SYNPR: variants seen among roughly 807,000 people sequenced by gnomAD.
The protein encoded by SYNPR is synaptoporin.
SYNPR carries 23 observed loss-of-function variants against 32.9 expected under a neutral mutation model. The observed-to-expected ratio is 0.70, with a 90% CI of 0.50 to 0.99. The LOEUF (loss-of-function observed/expected upper bound fraction) is 0.99. Ranked by LOEUF, SYNPR falls within the 50% of genes least tolerant of loss-of-function variation. SYNPR has a pLI of 0.00. For missense variants in SYNPR, 318 were observed against 349.3 expected (o/e 0.91, Z 0.71); for synonymous variants, 146 against 135.9 (o/e 1.07, Z -0.52).
chr3:63,597,414 G>A (rs1699977730), intron 4 of SYNPR, among the ~76,000 whole-genome samples: 1 of 152,136 alleles, frequency 6.6e-6, no homozygotes. Context: ...TGAAGGATCT[G>A]AGCCTGGAGC....
At chr3:63,308,997 T>A (rs890540631) in intron 2 of SYNPR, among the ~76,000 whole-genome samples, 1 of 151,986 alleles carries the variant, frequency 6.6e-6, no homozygotes, top group African/African-American at 2.4e-5. Flanking sequence ...GCTTCTTGAA[T>A]TGGTCCCACA....
chr3:63,455,414 G>T (rs1700464142), intron 2 of SYNPR, among the ~76,000 whole-genome samples: 1 of 152,020 alleles, frequency 6.6e-6, no homozygotes, highest in South Asian at 2.1e-4. Flanking sequence ...TTTCTACAGT[G>T]AAATAATGAC....
At chr3:63,342,983 G>T (rs2087387938) in intron 2 of SYNPR, among the ~76,000 whole-genome samples, 1 of 152,190 alleles carries the variant, frequency 6.6e-6, no homozygotes, top group South Asian at 2.1e-4. Context: ...AAATGGGGAT[G>T]ATCAGAAAAG....
intron 4 of SYNPR, among the ~76,000 whole-genome samples, chr3:63,596,318 A>G (rs1216691444): frequency 6.1e-5 from 5 of 82,640 alleles, no homozygotes; most frequent in East Asian, 8.7e-4. Context: ...TCCTTCCCCA[A>G]TGCTCCCCCT....
chr3:63,349,622 G>A (rs1448648092), intron 2 of SYNPR, among the ~76,000 whole-genome samples: 3 of 152,226 alleles, frequency 2.0e-5, no homozygotes, highest in East Asian at 3.9e-4. Flanking sequence ...TGTTATTGGT[G>A]CATCGAAATG....
chr3:63,599,758 AT>A (rs1211109413), intron 4 of SYNPR, among the ~76,000 whole-genome samples: 1 of 152,322 alleles, frequency 6.6e-6, no homozygotes, highest in East Asian at 1.9e-4. Flanking sequence ...AATTTAAGAT[AT>A]TTTATTTTTA....
chr3:63,483,185 A>T (rs1318503101), intron 3 of SYNPR, among the ~76,000 whole-genome samples: 1 of 152,214 alleles, frequency 6.6e-6, no homozygotes, highest in Non-Finnish European at 1.5e-5. Flanking sequence ...GCATGTAATG[A>T]TGTGCACTGC....
At chr3:63,442,244 A>G (rs7645648) in intron 2 of SYNPR, among the ~76,000 whole-genome samples, 32,380 of 145,844 alleles carry the variant, frequency 0.22, 3,700 homozygotes, top group South Asian at 0.4. Flanking sequence ...AGAGATAGGA[A>G]GGAAAGCGAG....
At chr3:63,517,483 G>A (rs529563643) in intron 3 of SYNPR, among the ~76,000 whole-genome samples, 7 of 152,204 alleles carry the variant, frequency 4.6e-5, no homozygotes, top group Admixed American at 4.6e-4. Flanking sequence ...TTCTAGTATA[G>A]ACATCAATGA....
chr3:63,573,890 G>T (rs1702934280), intron 4 of SYNPR, among the ~76,000 whole-genome samples: 1 of 152,112 alleles, frequency 6.6e-6, no homozygotes, highest in African/African-American at 2.4e-5. Context: ...CTTTTGCAAA[G>T]AATATTTATT....
intron 2 of SYNPR, among the ~76,000 whole-genome samples, chr3:63,323,190 G>T (rs1248261632): frequency 6.6e-6 from 1 of 152,064 alleles, no homozygotes; most frequent in African/African-American, 2.4e-5. Flanking sequence ...GCCCAACTGA[G>T]CGCTTTTGAG....
At chr3:63,259,269 A>G (rs1477226416) in intron 2 of SYNPR, among the ~76,000 whole-genome samples, 1 of 152,194 alleles carries the variant, frequency 6.6e-6, no homozygotes, top group East Asian at 1.9e-4. Context: ...GACTCAACAA[A>G]AAAAAGAGAA....
chr3:63,347,430 A>G (rs1208390618), intron 2 of SYNPR, among the ~76,000 whole-genome samples: 4 of 152,198 alleles, frequency 2.6e-5, no homozygotes, highest in Non-Finnish European at 5.9e-5. Flanking sequence ...TTCAACACTC[A>G]TCCTTTTCTT....
intron 2 of SYNPR, among the ~76,000 whole-genome samples, chr3:63,380,971 C>A (rs2107068203): frequency 6.6e-6 from 1 of 152,248 alleles, no homozygotes; most frequent in African/African-American, 2.4e-5. Flanking sequence ...AAACTGGAAG[C>A]ATTCCCTTTG....
intron 2 of SYNPR, among the ~76,000 whole-genome samples, chr3:63,478,638 A>G (rs1700980215): frequency 6.6e-6 from 1 of 152,196 alleles, no homozygotes; most frequent in Non-Finnish European, 1.5e-5. Context: ...AGAAATGTAA[A>G]TATCACACAA....
At chr3:63,451,602 G>A (rs75356240) in intron 2 of SYNPR, among the ~76,000 whole-genome samples, 29 of 151,898 alleles carry the variant, frequency 1.9e-4, no homozygotes, top group Non-Finnish European at 3.7e-4. Flanking sequence ...GGGCAGAGGC[G>A]GCAGGGACTT....
At chr3:63,512,708 C>A (rs1212088934) in intron 3 of SYNPR, among the ~76,000 whole-genome samples, 1 of 152,102 alleles carries the variant, frequency 6.6e-6, no homozygotes, top group Non-Finnish European at 1.5e-5. Flanking sequence ...CTGCAAAAGG[C>A]AAGAAAATGG....
At chr3:63,517,920 T>A (rs955395234) in intron 3 of SYNPR, among the ~76,000 whole-genome samples, 1 of 152,130 alleles carries the variant, frequency 6.6e-6, no homozygotes, top group Admixed American at 6.6e-5. Context: ...AATAAAATTA[T>A]AGCATAGTAT....
rs1435127320 is a variant in SYNPR at position 63,417,481 on chromosome 3, C to T, written c.85-63351C>T. ...CTGTGGGGTTTGGAAGGCAGTGGCC[C>T]TCTTCTCACAGCTCCACTAGGCAGT... On this transcript the variant is annotated intron_variant, in intron 2 of 5. Transcript: ENST00000478300. Among the ~76,000 whole-genome samples the T allele has an allele frequency of 3.9e-5, 6 of 152,220 alleles. No homozygotes were observed. The East Asian group carries it at 1.2e-3, about 29-fold the overall frequency.
Sources: allele counts gnomAD v4.1 joint callset (sites outside exome capture counted in the v4.1 genomes callset), GRCh38; gene constraint gnomAD v4.1.1; transcripts MANE v1.5; gene names NCBI Gene and HGNC (gene_info 2026-07-23, HGNC 2026-07-21).